The following PCDH15 variants were observed in gnomAD, a reference collection of about 807,000 sequenced individuals.
The protein encoded by PCDH15 is protocadherin-15.
Under a neutral mutation model 178.5 loss-of-function variants are expected in PCDH15, and 129 were observed. That is an observed-to-expected ratio of 0.72 (90% CI 0.63 to 0.84). The LOEUF is 0.84. PCDH15 is among the 40% of genes least tolerant of loss of function. PCDH15 has a pLI of 0.00. For missense variants in PCDH15, 2,230 were observed against 2,099.9 expected (o/e 1.06, Z -1.21); for synonymous variants, 800 against 732.0 (o/e 1.09, Z -1.50).
At chr10:55,290,931 A>G (rs901141050) in intron 1 of PCDH15, among the ~76,000 whole-genome samples, 5 of 152,192 alleles carry the variant, frequency 3.3e-5, no homozygotes, top group Non-Finnish European at 5.9e-5. Context: ...TGAAACGTCC[A>G]GAACTGAAAA....
intron 2 of PCDH15, among the ~76,000 whole-genome samples, chr10:54,602,431 C>T (rs887608404): frequency 6.6e-6 from 1 of 151,934 alleles, no homozygotes. Flanking sequence ...TATATGTCAA[C>T]TGTAAACAGA....
At chr10:54,850,229 A>G (rs1591740874) in intron 3 of PCDH15, among the ~76,000 whole-genome samples, 1 of 151,984 alleles carries the variant, frequency 6.6e-6, no homozygotes, top group African/African-American at 2.4e-5. Flanking sequence ...TTACATCAAT[A>G]CTCGATTTGT....
At position 54,185,168 on chromosome 10, in the gene PCDH15, A is replaced by G. The variant is rs746504605; in HGVS notation, c.1406T>C (p.Val469Ala). The change falls in exon 12 of 38, where the codon GTG (valine) becomes GCG (alanine). Residue 469 changes from valine (V) to alanine (A), a missense_variant. Transcript: ENST00000644397. ...GTAAGTTTGCTGTTCTTCCCTGTCC[A>G]CTGGTTGAAGTAAGGTGAGGTAGCG... ...ITRYLTLLQP[V>A]DREEQQTYTF... The G allele has an allele frequency of 9.3e-6, 15 of 1,613,536 alleles. No individual in the cohort carries two copies. In the East Asian group the frequency reaches 3.3e-4, roughly 36 times the overall value.
chr10:54,590,973 C>T (rs2091850156), intron 2 of PCDH15, among the ~76,000 whole-genome samples: 2 of 151,990 alleles, frequency 1.3e-5, no homozygotes, highest in South Asian at 4.1e-4. Context: ...GGTAAACATT[C>T]AATGGAGTAA....
At chr10:54,814,828 C>G (rs1406597381) in intron 3 of PCDH15, among the ~76,000 whole-genome samples, 2 of 152,042 alleles carry the variant, frequency 1.3e-5, no homozygotes, top group African/African-American at 4.8e-5. Context: ...CATAAATGGC[C>G]AAATATGTTT....
intron 5 of PCDH15, among the ~76,000 whole-genome samples, chr10:54,366,128 A>G (rs548306141): frequency 6.6e-6 from 1 of 152,130 alleles, no homozygotes; most frequent in South Asian, 2.1e-4. Flanking sequence ...TTTTGTAACC[A>G]TCAATTTATA....
intron 15 of PCDH15, among the ~76,000 whole-genome samples, chr10:54,095,920 A>G (rs2094691394): frequency 6.6e-6 from 1 of 152,152 alleles, no homozygotes; most frequent in South Asian, 2.1e-4. Context: ...ACAATCAACA[A>G]AATAAACTTA....
In PCDH15 at chr10:54,481,921, G is replaced by A. The variant is rs566845753; in HGVS notation, c.157+45891C>T. ...TCAGTCTGTATTGCATATATTCAGA[G>A]CTCCATCAAGTAAAATTCAATGTTA... On this transcript the variant is annotated intron_variant, in intron 3 of 37. Coordinates refer to ENST00000644397, the MANE Select transcript of PCDH15 (RefSeq NM_001384140.1). Among the ~76,000 whole-genome samples the A allele has an allele frequency of 6.6e-5, 10 of 151,804 alleles. No individual in the cohort carries two copies. The South Asian group carries it at 2.1e-3, about 31-fold the overall frequency.
At chr10:55,323,794 T>C (rs1777678), upstream of PCDH15, among the ~76,000 whole-genome samples, 28,083 of 152,098 alleles carry the variant, frequency 0.18, 2,744 homozygotes, top group Non-Finnish European at 0.22. Flanking sequence ...CTGAAATCAG[T>C]TAAGACTTTG....
intron 15 of PCDH15, among the ~76,000 whole-genome samples, chr10:54,126,221 C>T (rs2041977810): frequency 6.6e-6 from 1 of 152,034 alleles, no homozygotes; most frequent in African/African-American, 2.4e-5. Flanking sequence ...CAAGCATGCA[C>T]CAACACACCC....
intron 2 of PCDH15, among the ~76,000 whole-genome samples, chr10:55,330,838 A>ATGTGTGTGTGTGTGTGTG (rs71461291): frequency 4.1e-5 from 6 of 144,608 alleles, no homozygotes; most frequent in African/African-American, 1.0e-4. Flanking sequence ...AGATTTATTT[A>ATGTGTGTGTGTGTGTGTG]TGTGTGTGTG....
At chr10:55,416,299 C>A (rs1028608769) in intron 2 of PCDH15, among the ~76,000 whole-genome samples, 1 of 151,804 alleles carries the variant, frequency 6.6e-6, no homozygotes, top group Non-Finnish European at 1.5e-5. Context: ...GGAACTTAAG[C>A]TATTATAGTT....
At chr10:53,964,495 A>G (rs1283555531) in intron 21 of PCDH15, among the ~76,000 whole-genome samples, 1 of 83,566 alleles carries the variant, frequency 1.2e-5, no homozygotes, top group African/African-American at 4.5e-5. Context: ...ATTATTTATA[A>G]AAATTTTATT....
At chr10:54,346,614 G>T in intron 5 of PCDH15, 130 bp from the exon 6 acceptor site, 1 of 1,032,392 alleles carries the variant, frequency 9.7e-7, no homozygotes, top group Non-Finnish European at 1.5e-6. Flanking sequence ...ACCACAAACT[G>T]AAGTGTTTCA....
chr10:55,286,502 T>A (rs1416013628), intron 1 of PCDH15, among the ~76,000 whole-genome samples: 2 of 135,994 alleles, frequency 1.5e-5, no homozygotes, highest in Non-Finnish European at 3.1e-5. Flanking sequence ...TCTATGAGGG[T>A]TTTTTTTTTT....
At chr10:55,270,548 C>T (rs1294165427) in intron 1 of PCDH15, among the ~76,000 whole-genome samples, 1 of 151,916 alleles carries the variant, frequency 6.6e-6, no homozygotes, top group Non-Finnish European at 1.5e-5. Flanking sequence ...AAATGTCCAC[C>T]ATCACTAATT....
intron 3 of PCDH15, among the ~76,000 whole-genome samples, chr10:54,476,459 T>C (rs1296192918): frequency 6.6e-6 from 1 of 152,066 alleles, no homozygotes; most frequent in Non-Finnish European, 1.5e-5. Flanking sequence ...TTTTCCCCAG[T>C]GAAATGGGAA....
At chr10:55,033,522 T>G (rs925808743) in intron 2 of PCDH15, among the ~76,000 whole-genome samples, 2 of 152,166 alleles carry the variant, frequency 1.3e-5, no homozygotes, top group Admixed American at 6.5e-5. Context: ...TTCTCCCCTT[T>G]GGAATATAAA....
At chr10:55,226,305 A>G (rs986591170) in intron 1 of PCDH15, among the ~76,000 whole-genome samples, 1 of 152,124 alleles carries the variant, frequency 6.6e-6, no homozygotes, top group Non-Finnish European at 1.5e-5. Flanking sequence ...TTAATTCTAT[A>G]GTAATTAATT....
Sources: allele counts gnomAD v4.1 joint callset (sites outside exome capture counted in the v4.1 genomes callset), GRCh38; gene constraint gnomAD v4.1.1; transcripts MANE v1.5; gene names NCBI Gene and HGNC (gene_info 2026-07-23, HGNC 2026-07-21).